BCR: variants seen among roughly 807,000 people sequenced by gnomAD.
The protein encoded by BCR is breakpoint cluster region protein.
BCR carries 58 observed loss-of-function variants against 138.6 expected under a neutral mutation model. The ratio of observed to expected loss-of-function variants is 0.42; its 90% CI spans 0.34 to 0.52. BCR has a LOEUF of 0.52. BCR is among the 20% of genes least tolerant of loss of function. The probability of loss-of-function intolerance (pLI) is 0.06; values close to 1 mark genes in which losing one functional copy is unlikely to be tolerated. For synonymous variants in BCR, 786 were observed against 730.1 expected, an observed-to-expected ratio of 1.08 and a Z score of -1.23; for missense variants, 1,599 against 1,727.2, an observed-to-expected ratio of 0.93 and a Z score of 1.32.
rs532003535 is a variant in BCR, at chr22:23,204,924, C to G, written c.1279+22685C>G. Among the ~76,000 whole-genome samples, 29 of 152,324 alleles carry G rather than the reference C, an allele frequency of 1.9e-4. 1 individual carries two copies. In the South Asian group the frequency reaches 5.8e-3, roughly 30 times the overall value. On this transcript the variant is annotated intron_variant, in intron 1 of 22. Transcript: ENST00000305877. ...TGTCTTGCCAGCCAGAGCACAGCCCCGCTTGGTCAGGAATGCATGTGCTGA... is the reference window on the plus strand; with the variant it reads ...TGTCTTGCCAGCCAGAGCACAGCCCGGCTTGGTCAGGAATGCATGTGCTGA...
chr22:23,315,089 T>G (rs55652743), intron 22 of BCR, among the ~76,000 whole-genome samples: 5,180 of 152,194 alleles, frequency 0.034, 117 homozygotes, highest in Admixed American at 0.049. Flanking sequence ...CCAGGCATTG[T>G]GGCACACATC....
chr22:23,233,195 G>A (rs1409255709), intron 1 of BCR, among the ~76,000 whole-genome samples: 1 of 152,176 alleles, frequency 6.6e-6, no homozygotes. Context: ...CCCAGTGCCT[G>A]TAGTTCCATC....
At chr22:23,276,863 T>G (rs1354517391) in intron 8 of BCR, among the ~76,000 whole-genome samples, 5 of 152,232 alleles carry the variant, frequency 3.3e-5, no homozygotes, top group African/African-American at 1.2e-4. Context: ...GTGTACTGAT[T>G]TGGGGACACC....
intron 1 of BCR, among the ~76,000 whole-genome samples, chr22:23,193,370 C>T (rs1198270926): frequency 6.6e-6 from 1 of 152,244 alleles, no homozygotes; most frequent in Non-Finnish European, 1.5e-5. Flanking sequence ...GTGACCCTTC[C>T]CCTTGGGGGC....
intron 4 of BCR, chr22:23,264,246 C>T: frequency 2.1e-6 from 2 of 970,092 alleles, no homozygotes; most frequent in South Asian, 1.3e-5. Context: ...GCACACCTTC[C>T]CGCTGACGTC....
At chr22:23,276,985 A>G (rs1356382311) in intron 8 of BCR, among the ~76,000 whole-genome samples, 2 of 152,158 alleles carry the variant, frequency 1.3e-5, no homozygotes, top group Non-Finnish European at 2.9e-5. Flanking sequence ...GGACTTTATG[A>G]AAGTGAGGGG....
intron 1 of BCR, among the ~76,000 whole-genome samples, chr22:23,209,929 C>T (rs1398429367): frequency 6.6e-6 from 1 of 152,170 alleles, no homozygotes; most frequent in Non-Finnish European, 1.5e-5. Flanking sequence ...TGCGCCCCTA[C>T]TCAATGGTAT....
chr22:23,183,714 G>A (rs999461454), intron 1 of BCR, among the ~76,000 whole-genome samples: 6 of 152,208 alleles, frequency 3.9e-5, no homozygotes, highest in Non-Finnish European at 7.3e-5. Flanking sequence ...TGGTGCAGGA[G>A]AGTTATTAAT....
chr22:23,226,321 AGAGAGAGTGTGT>A (rs1334287195), intron 1 of BCR, among the ~76,000 whole-genome samples: 39 of 146,662 alleles, frequency 2.7e-4, no homozygotes, highest in Middle Eastern at 3.5e-3. Context: ...AGAGAGAGAG[AGAGAGAGTGTGT>A]GTGTGTGTGT....
chr22:23,183,257 G>C (rs150958874), intron 1 of BCR, among the ~76,000 whole-genome samples: 3 of 152,220 alleles, frequency 2.0e-5, no homozygotes, highest in Non-Finnish European at 2.9e-5. Flanking sequence ...GTGTGAGGCT[G>C]TCGGGAATCT....
intron 8 of BCR, among the ~76,000 whole-genome samples, chr22:23,281,729 G>A (rs2069265527): frequency 1.3e-5 from 2 of 152,186 alleles, no homozygotes; most frequent in African/African-American, 2.4e-5. Flanking sequence ...CCCAGAAACC[G>A]CCGAGTCCAC....
At chr22:23,194,166 A>G (rs2072449373) in intron 1 of BCR, among the ~76,000 whole-genome samples, 1 of 152,238 alleles carries the variant, frequency 6.6e-6, no homozygotes, top group African/African-American at 2.4e-5. Flanking sequence ...CCCACATCTT[A>G]GAGTGATAAA....
intron 1 of BCR, among the ~76,000 whole-genome samples, chr22:23,241,647 T>C (rs2073093506): frequency 6.6e-6 from 1 of 152,108 alleles, no homozygotes; most frequent in Non-Finnish European, 1.5e-5. Context: ...CAGCATCCCC[T>C]CTGCTCTTCC....
chr22:23,304,358 G>C (rs1464402513), intron 16 of BCR, among the ~76,000 whole-genome samples: 3 of 151,942 alleles, frequency 2.0e-5, no homozygotes, highest in Non-Finnish European at 4.4e-5. Flanking sequence ...TTTTTTGACT[G>C]ATTTCCTCCA....
chr22:23,272,775 C>G (rs2073524344), intron 6 of BCR, among the ~76,000 whole-genome samples: 1 of 152,140 alleles, frequency 6.6e-6, no homozygotes, highest in Admixed American at 6.5e-5. Context: ...CCGTCCTTGC[C>G]AGGGTGGGTT....
At position 23,312,700 on chromosome 22, in the gene BCR, C is replaced by T. The variant is rs577227489; in HGVS notation, c.3323-187C>T. 1,401 of 587,774 alleles carry T rather than the reference C, an allele frequency of 2.4e-3. 32 individuals are homozygous for T. The Admixed American group carries it at 0.039, about 16-fold the overall frequency. The allele number at this position is 587,774 out of a possible 1,614,324, so 36.4% of individuals were successfully genotyped here. On this transcript the variant is annotated intron_variant, in intron 19 of 22. Transcript: ENST00000305877. ...GAGAGGAATGGGAATGCCCACGCAC[C>T]CCTATCAACTCTGCAGACACAGAAC...
intron 16 of BCR, among the ~76,000 whole-genome samples, chr22:23,308,812 G>A (rs2073976255): frequency 6.6e-6 from 1 of 152,134 alleles, no homozygotes; most frequent in Non-Finnish European, 1.5e-5. Flanking sequence ...ACAAGCTCCT[G>A]CAGGCTAGCT....
Position 23,289,636 on chromosome 22 carries a change from T to C in BCR, c.2707+15T>C, listed in dbSNP as rs62219796. On this transcript the variant is annotated intron_variant, in intron 13 of 22. Transcript: ENST00000305877. ...CAATAAGGAAGGTGGGCCCCCCCGT[T>C]TCCGTGTACAGGGCACCTGCAGGGA... 464,218 of 1,604,386 alleles carry C rather than the reference T, an allele frequency of 0.29. 71,889 individuals carry two copies. Among genetic ancestry groups the C allele is most frequent in the African/African-American group, 0.53 (39,148 of 74,556 alleles).
chr22:23,310,195 C>T (rs932677619), intron 17 of BCR, 129 bp from the exon 18 acceptor site: 1 of 542,820 alleles, frequency 1.8e-6, no homozygotes. Flanking sequence ...AGGGGCGGCT[C>T]CACCTCATGC....
Sources: gnomAD v4.1 joint callset for allele counts (sites outside exome capture counted in the v4.1 genomes callset) on GRCh38, gnomAD v4.1.1 for gene constraint, MANE v1.5 for transcripts, NCBI Gene and HGNC (gene_info 2026-07-23, HGNC 2026-07-21) for gene names.